The following NAALADL2 variants were observed in gnomAD, a reference collection of about 807,000 sequenced individuals.
NAALADL2 encodes the protein N-acetylated alpha-linked acidic dipeptidase like 2.
In NAALADL2, 76 loss-of-function variants were observed where a neutral mutation model predicts 87.2. The ratio of observed to expected loss-of-function variants is 0.87; its 90% CI spans 0.72 to 1.05. NAALADL2 has a LOEUF of 1.05. NAALADL2 is among the 50% of genes least tolerant of loss of function. The pLI, the probability that NAALADL2 is intolerant of heterozygous loss-of-function variation, is 0.00. For synonymous variants in NAALADL2, 354 were observed against 331.0 expected (o/e 1.07, Z -0.75); for missense variants, 1,089 against 945.8 (o/e 1.15, Z -1.99).
intron 9 of NAALADL2, among the ~76,000 whole-genome samples, chr3:175,502,757 G>T (rs1582155658): frequency 6.6e-6 from 1 of 152,028 alleles, no homozygotes. Flanking sequence ...ATCAGGATAT[G>T]TCTATTCATT....
chr3:175,327,786 G>T (rs954046005), intron 5 of NAALADL2, among the ~76,000 whole-genome samples: 1 of 152,262 alleles, frequency 6.6e-6, no homozygotes, highest in Non-Finnish European at 1.5e-5. Flanking sequence ...CTTTTCCTCT[G>T]CCCCTCTGGG....
chr3:175,334,228 C>A (rs570381029), intron 5 of NAALADL2, among the ~76,000 whole-genome samples: 1 of 152,076 alleles, frequency 6.6e-6, no homozygotes, highest in South Asian at 2.1e-4. Context: ...ATGGACAAAG[C>A]TAGATTAGGT....
chr3:175,611,842 A>C (rs1724695871), intron 10 of NAALADL2, among the ~76,000 whole-genome samples: 1 of 152,154 alleles, frequency 6.6e-6, no homozygotes, highest in Non-Finnish European at 1.5e-5. Flanking sequence ...TGTTTTATCC[A>C]CTGGGGCTAA....
chr3:175,515,409 G>C (rs912043531), intron 9 of NAALADL2, among the ~76,000 whole-genome samples: 3 of 152,080 alleles, frequency 2.0e-5, no homozygotes, highest in Admixed American at 6.6e-5. Flanking sequence ...GCAATTTAGA[G>C]GCTGATGTTT....
intron 3 of NAALADL2, among the ~76,000 whole-genome samples, chr3:174,739,349 T>C (rs1248744331): frequency 6.6e-6 from 1 of 152,144 alleles, no homozygotes; most frequent in South Asian, 2.1e-4. Flanking sequence ...TGGCTCAGTT[T>C]AAGTCAGAAT....
intron 1 of NAALADL2, among the ~76,000 whole-genome samples, chr3:174,927,682 G>C (rs565687734): frequency 2.0e-5 from 3 of 152,046 alleles, no homozygotes; most frequent in Non-Finnish European, 4.4e-5. Context: ...CACAACATAC[G>C]AGAATCTCTG....
intron 12 of NAALADL2, among the ~76,000 whole-genome samples, chr3:175,747,027 T>C (rs992674276): frequency 1.3e-5 from 2 of 152,222 alleles, no homozygotes; most frequent in Non-Finnish European, 2.9e-5. Flanking sequence ...ATAGTTGTTA[T>C]ACTGAATTGG....
At chr3:175,003,962 A>G (rs1748637686) in intron 1 of NAALADL2, among the ~76,000 whole-genome samples, 2 of 152,182 alleles carry the variant, frequency 1.3e-5, no homozygotes, top group Non-Finnish European at 2.9e-5. Context: ...AAACATTTTA[A>G]AAAGCCATCC....
intron 11 of NAALADL2, among the ~76,000 whole-genome samples, chr3:175,639,083 T>G (rs547589133): frequency 6.6e-6 from 1 of 152,274 alleles, no homozygotes; most frequent in South Asian, 2.1e-4. Context: ...TCTCTTCCTT[T>G]GAAGGTCTCC....
At chr3:175,008,483 G>A (rs573150178) in intron 1 of NAALADL2, among the ~76,000 whole-genome samples, 33 of 152,310 alleles carry the variant, frequency 2.2e-4, no homozygotes, top group Middle Eastern at 3.4e-3. Context: ...GAAAGGAAAC[G>A]GAGGATAAGG....
chr3:175,702,997 C>A (rs1466065851), intron 11 of NAALADL2, among the ~76,000 whole-genome samples: 1 of 151,968 alleles, frequency 6.6e-6, no homozygotes, highest in Non-Finnish European at 1.5e-5. Flanking sequence ...ACAAAATATC[C>A]TATGTAATTT....
chr3:175,447,332 C>G lies in NAALADL2; in HGVS notation c.1194C>G (p.Thr398=), dbSNP rs1186533121. 1.3e-6 allele frequency: 2 copies of G among 1,599,700 alleles called. No homozygotes were observed. Among genetic ancestry groups the G allele is most frequent in the Non-Finnish European group, 1.7e-6 (2 of 1,172,376 alleles). ...TGATCTCTTCGCCAAAAGCTAGAAC[C>G]AAAAATGAAGCGTGTAGCTCTCTAG... ...AKLISSPKAR[T]KNEACSSLEL... is the part of the protein sequence containing the mutation. The change falls in exon 6 of 14, where the codon ACC becomes ACG. Residue 398 remains threonine, a synonymous_variant. Coordinates refer to ENST00000454872, the MANE Select transcript of NAALADL2 (RefSeq NM_207015.3).
At chr3:174,819,440 A>G (rs1393752841) in intron 3 of NAALADL2, among the ~76,000 whole-genome samples, 1 of 152,020 alleles carries the variant, frequency 6.6e-6, no homozygotes, top group East Asian at 1.9e-4. Flanking sequence ...AAAAGCAATA[A>G]TATATTAAAA....
chr3:175,200,643 T>C (rs1368830940), intron 2 of NAALADL2, among the ~76,000 whole-genome samples: 2 of 152,174 alleles, frequency 1.3e-5, no homozygotes, highest in Non-Finnish European at 2.9e-5. Flanking sequence ...CAGTGAGACA[T>C]GAAAGCTAAT....
chr3:175,393,323 A>C (rs143324514), intron 5 of NAALADL2, among the ~76,000 whole-genome samples: 4,193 of 127,438 alleles, frequency 0.033, 191 homozygotes, highest in Middle Eastern at 0.052. Flanking sequence ...AAAATTGTAG[A>C]GTTGTTTCAG....
intron 1 of NAALADL2, among the ~76,000 whole-genome samples, chr3:174,908,365 A>C (rs1028665701): frequency 6.6e-6 from 1 of 152,092 alleles, no homozygotes; most frequent in African/African-American, 2.4e-5. Context: ...AAAGGAAATC[A>C]AGCACGCCAG....
rs1412356645 is a variant in NAALADL2 at position 175,698,458 on chromosome 3, TG to T, written c.1897-38847del. ...ATATATTTATGTATGTATACATATA[TG>T]TGTATATATGTGTGTATATATATTT... On this transcript the variant is annotated intron_variant, in intron 11 of 13. Transcript: ENST00000454872. Among the ~76,000 whole-genome samples the T allele has an allele frequency of 1.1e-4, 15 of 131,342 alleles. 2 individuals carry two copies. The highest frequency in any genetic ancestry group is 2.2e-4 in the South Asian group (1 of 4,498). The allele number at this position is 131,342 out of a possible 152,430, so 86.2% of individuals were successfully genotyped here. A position where few individuals can be genotyped will look rare whatever the true frequency, so the allele number is the denominator to read the frequency against.
intron 3 of NAALADL2, chr3:175,242,409 G>C (rs1309048262): frequency 6.6e-6 from 1 of 152,132 alleles, no homozygotes; most frequent in East Asian, 1.9e-4. Context: ...TGCAAATTCA[G>C]TCTTTCCAGA....
chr3:174,991,815 C>G (rs998733218), intron 1 of NAALADL2, among the ~76,000 whole-genome samples: 3 of 152,000 alleles, frequency 2.0e-5, no homozygotes, highest in Admixed American at 2.0e-4. Flanking sequence ...CATGTGTTAA[C>G]ATTATTGTCT....
Sources: gnomAD v4.1 joint callset for allele counts (sites outside exome capture counted in the v4.1 genomes callset) on GRCh38, gnomAD v4.1.1 for gene constraint, MANE v1.5 for transcripts, NCBI Gene and HGNC (gene_info 2026-07-23, HGNC 2026-07-21) for gene names.